ASAP2: variants seen among roughly 807,000 people sequenced by gnomAD.
ASAP2 encodes the protein ArfGAP with SH3 domain, ankyrin repeat and PH domain 2.
Under a neutral mutation model 131.4 loss-of-function variants are expected in ASAP2, and 45 were observed. That is an observed-to-expected ratio of 0.34 (90% CI 0.27 to 0.44). The LOEUF (loss-of-function observed/expected upper bound fraction) is 0.44. Among genes scored for constraint, ASAP2 ranks in the 20% least tolerant of loss-of-function variants. ASAP2 has a pLI of 1.00. For missense variants in ASAP2, 1,011 were observed against 1,297.0 expected, an observed-to-expected ratio of 0.78 and a Z score of 3.39; for synonymous variants, 510 against 503.0, an observed-to-expected ratio of 1.01 and a Z score of -0.19.
At chr2:9,357,379 T>A (rs1672787518) in intron 14 of ASAP2, among the ~76,000 whole-genome samples, 1 of 152,050 alleles carries the variant, frequency 6.6e-6, no homozygotes, top group Non-Finnish European at 1.5e-5. Context: ...CATAGGAGGC[T>A]GAGGCAGGAG....
In ASAP2 at chr2:9,279,363, T is replaced by G. The variant is rs1437618484; in HGVS notation, c.173T>G (p.Val58Gly). Residue 58 changes from valine to glycine, a missense_variant, in exon 2 of 28, where the codon GTG becomes GGG. By Grantham distance (109) the Val-to-Gly change is moderately radical. Around this residue, in one of 2 missense-constraint regions of ASAP2, gnomAD observed 359 missense variants for 598.1 expected, o/e 0.60. Coordinates refer to ENST00000281419, the MANE Select transcript of ASAP2 (RefSeq NM_003887.3). Reference protein sequence around the residue: ...RMVLYKMKKSVKAINSSGLAH... With the variant: ...RMVLYKMKKSGKAINSSGLAH... ...GTTCTTTACAAAATGAAGAAATCCG[T>G]GAAAGCAATCAACAGCTCTGGGCTG... The G allele has an allele frequency of 6.2e-7, 1 of 1,614,134 alleles. No homozygotes were observed. Among genetic ancestry groups the G allele is most frequent in the Non-Finnish European group, 8.5e-7 (1 of 1,180,004 alleles).
intron 12 of ASAP2, among the ~76,000 whole-genome samples, chr2:9,351,372 C>T (rs1287333602): frequency 6.6e-6 from 1 of 152,248 alleles, no homozygotes; most frequent in East Asian, 1.9e-4. Context: ...AGTCTTTCTG[C>T]TTCTCTGTGC....
At chr2:9,326,005 CT>C (rs1232957942) in intron 6 of ASAP2, among the ~76,000 whole-genome samples, 1 of 152,216 alleles carries the variant, frequency 6.6e-6, no homozygotes, top group African/African-American at 2.4e-5. Context: ...GAAGGCCTTT[CT>C]TTCCATGGGT....
At chr2:9,299,643 C>A (rs1668360265) in intron 3 of ASAP2, among the ~76,000 whole-genome samples, 1 of 152,174 alleles carries the variant, frequency 6.6e-6, no homozygotes, top group Non-Finnish European at 1.5e-5. Context: ...AAGCAGGGGG[C>A]CTAGAAAGCA....
At chr2:9,247,713 C>T (rs1035674398) in intron 1 of ASAP2, among the ~76,000 whole-genome samples, 2 of 152,224 alleles carry the variant, frequency 1.3e-5, no homozygotes, top group Admixed American at 6.5e-5. Context: ...TGGTGCCAGA[C>T]GCGGAGTAGG....
intron 16 of ASAP2, among the ~76,000 whole-genome samples, chr2:9,369,039 A>G (rs1673717262): frequency 6.8e-6 from 1 of 146,282 alleles, no homozygotes; most frequent in East Asian, 2.0e-4. Flanking sequence ...TTTCTGGGAG[A>G]CGGAGTTTCA....
chr2:9,361,155 G>T (rs1428770531), intron 15 of ASAP2, among the ~76,000 whole-genome samples: 2 of 152,204 alleles, frequency 1.3e-5, no homozygotes, highest in Non-Finnish European at 2.9e-5. Flanking sequence ...TGAGAAATCA[G>T]CCAGTGCCTG....
At chr2:9,400,457 A>C (rs1572645850) in intron 25 of ASAP2, among the ~76,000 whole-genome samples, 3 of 109,266 alleles carry the variant, frequency 2.7e-5, no homozygotes, top group African/African-American at 7.1e-5. Context: ...CCCTCCTGCC[A>C]TCCTCCCTCC....
rs1001596580 is a variant in ASAP2, at chr2:9,268,041, T to A, written c.127-11276T>A. Among the ~76,000 whole-genome samples, 2 of 152,138 alleles carry A rather than the reference T, an allele frequency of 1.3e-5. No homozygotes were observed. The highest frequency in any genetic ancestry group is 2.9e-5 in the Non-Finnish European group (2 of 68,026). ...CTGCAGCCCTCAGCTTGCCTCAGTT[T>A]GTAGTTTGCCAACAAGGTGTATATC... is the stretch of plus-strand genomic sequence containing the variant. On this transcript the variant is annotated intron_variant, in intron 1 of 27. Coordinates refer to ENST00000281419, the MANE Select transcript of ASAP2 (RefSeq NM_003887.3). This position sits in a 1 kb window ranked among gnomAD's most constrained non-coding sequence, Gnocchi z 4.1.
At chr2:9,267,897 C>CAAAAAAAA (rs34716225) in intron 1 of ASAP2, among the ~76,000 whole-genome samples, 22 of 64,998 alleles carry the variant, frequency 3.4e-4, no homozygotes, top group East Asian at 1.5e-3. Flanking sequence ...GACTCTATCT[C>CAAAAAAAA]AAAAAAAAAA....
chr2:9,275,104 A>T (rs1666674451), intron 1 of ASAP2, among the ~76,000 whole-genome samples: 2 of 135,804 alleles, frequency 1.5e-5, no homozygotes, highest in African/African-American at 3.1e-5. Context: ...TTTTTAAGAG[A>T]CAGGGTCTGT....
At chr2:9,387,559 G>A (rs974499203) in intron 21 of ASAP2, among the ~76,000 whole-genome samples, 15 of 152,154 alleles carry the variant, frequency 9.9e-5, no homozygotes, top group Admixed American at 2.0e-4. Flanking sequence ...TGAGTGCAGC[G>A]GGCTGGCCAG....
At chr2:9,370,353 T>G (rs1404187757) in intron 16 of ASAP2, among the ~76,000 whole-genome samples, 1 of 152,220 alleles carries the variant, frequency 6.6e-6, no homozygotes, top group Non-Finnish European at 1.5e-5. Context: ...AGTTTATGTT[T>G]GAATCCTGTA....
intron 1 of ASAP2, among the ~76,000 whole-genome samples, chr2:9,228,651 C>T (rs1382790896): frequency 6.6e-6 from 1 of 152,110 alleles, no homozygotes; most frequent in Non-Finnish European, 1.5e-5. Flanking sequence ...ATCTGGCCGT[C>T]ACAGAGGCAA....
rs150138147 is a variant in ASAP2 at position 9,297,099 on chromosome 2, A to T, written c.200-201A>T. 2.0e-5 allele frequency among the ~76,000 whole-genome samples: 3 copies of T among 152,218 alleles called. No individual in the cohort carries two copies. The East Asian group carries it at 5.8e-4, about 29-fold the overall frequency. Reference sequence around the variant, plus strand: ...GCAAGGGCTTCCCCTCTTGCATACCACACTTGTTCTTTGGGATCTGTTGCC... The same window carrying T: ...GCAAGGGCTTCCCCTCTTGCATACCTCACTTGTTCTTTGGGATCTGTTGCC... On this transcript the variant is annotated intron_variant, in intron 2 of 27. Coordinates refer to ENST00000281419, the MANE Select transcript of ASAP2 (RefSeq NM_003887.3).
rs947499304 is a variant in ASAP2 at position 9,363,514 on chromosome 2, T to C, written c.1461+4625T>C. Among the ~76,000 whole-genome samples the C allele has an allele frequency of 7.9e-5, 12 of 152,346 alleles. 2 individuals carry two copies. Among genetic ancestry groups the C allele is most frequent in the Admixed American group, 7.8e-4 (12 of 15,304 alleles). ...GAGATGATCGTGGTTTTAATTTGCA[T>C]TTCCCTGATGATTTGTATGATTAAT... On this transcript the variant is annotated intron_variant, in intron 15 of 27. Coordinates refer to ENST00000281419, the MANE Select transcript of ASAP2 (RefSeq NM_003887.3).
Position 9,405,527 on chromosome 2 carries a change from G to T in ASAP2, c.*2200G>T, listed in dbSNP as rs1358790924. 1.3e-5 allele frequency: 2 copies of T among 152,512 alleles called. No homozygotes were observed. The highest frequency in any genetic ancestry group is 2.9e-5 in the Non-Finnish European group (2 of 68,002). 9.4% of individuals were successfully genotyped at this position (152,512 alleles called of 1,614,324 possible). A position where few individuals can be genotyped will look rare whatever the true frequency, so the allele number is the denominator to read the frequency against. On this transcript the variant is annotated 3_prime_UTR_variant, in exon 28 of 28. Coordinates refer to ENST00000281419, the MANE Select transcript of ASAP2 (RefSeq NM_003887.3). Reference sequence around the variant, plus strand: ...TTCAGTTCATTCACCTGATTACTTTGGTTGCAGCACAACTGTATATATTGT... The same window carrying T: ...TTCAGTTCATTCACCTGATTACTTTTGTTGCAGCACAACTGTATATATTGT...
At chr2:9,316,125 C>G (rs909034445) in intron 3 of ASAP2, among the ~76,000 whole-genome samples, 1 of 151,972 alleles carries the variant, frequency 6.6e-6, no homozygotes, top group Admixed American at 6.6e-5. Flanking sequence ...TCAAGACTAG[C>G]CTGAGCAACA....
intron 3 of ASAP2, among the ~76,000 whole-genome samples, chr2:9,317,004 CACA>C (rs1384008312): frequency 6.8e-6 from 1 of 146,104 alleles, no homozygotes; most frequent in Non-Finnish European, 1.5e-5. Context: ...CATACACTCT[CACA>C]ACCACACTCA....
Sources: gnomAD v4.1 joint callset for allele counts (sites outside exome capture counted in the v4.1 genomes callset) on GRCh38, gnomAD v4.1.1 for gene constraint, gnomAD v4.1.1 regional missense constraint, Gnocchi (gnomAD v3.1) non-coding constraint, MANE v1.5 for transcripts, NCBI Gene and HGNC (gene_info 2026-07-23, HGNC 2026-07-21) for gene names.